The following IMMP1L variants were observed in gnomAD, a reference collection of about 807,000 sequenced individuals.
IMMP1L encodes mitochondrial inner membrane protease subunit 1.
In IMMP1L, 24 loss-of-function variants were observed where a neutral mutation model predicts 21.8. The observed-to-expected ratio is 1.10, with a 90% CI of 0.80 to 1.55. The LOEUF is 1.55. Among genes scored for constraint, IMMP1L ranks in the 40% most tolerant of loss-of-function variants. The probability of loss-of-function intolerance (pLI) is 0.00; values close to 1 mark genes in which losing one functional copy is unlikely to be tolerated. For synonymous variants in IMMP1L, 46 were observed against 62.8 expected (o/e 0.73, Z 1.26); for missense variants, 195 against 200.7 (o/e 0.97, Z 0.17).
intron 1 of IMMP1L, among the ~76,000 whole-genome samples, chr11:31,466,957 C>G (rs566285998): frequency 6.6e-6 from 1 of 152,076 alleles, no homozygotes; most frequent in Non-Finnish European, 1.5e-5. Flanking sequence ...GTGATGACTA[C>G]GCTAATTACC....
intron 1 of IMMP1L, among the ~76,000 whole-genome samples, chr11:31,475,818 T>C (rs932060251): frequency 6.6e-6 from 1 of 152,176 alleles, no homozygotes. Context: ...ATGAGTTTAT[T>C]TGAGACGTTC....
intron 1 of IMMP1L, among the ~76,000 whole-genome samples, chr11:31,501,682 G>T (rs1468692434): frequency 6.6e-6 from 1 of 152,098 alleles, no homozygotes; most frequent in Non-Finnish European, 1.5e-5. Context: ...GGCCGAGCAT[G>T]GTGGCTCATG....
intron 4 of IMMP1L, among the ~76,000 whole-genome samples, chr11:31,436,734 C>T (rs1236901681): frequency 1.3e-5 from 2 of 151,854 alleles, no homozygotes; most frequent in African/African-American, 2.4e-5. Flanking sequence ...GCCCAACCAT[C>T]GCTGGAGTAA....
Position 31,452,811 on chromosome 11 carries a change from C to T in IMMP1L, c.321+3449G>A, listed in dbSNP as rs190912983. 9.3e-3 allele frequency: 8,675 copies of T among 932,996 alleles called. 45 individuals carry two copies. Among genetic ancestry groups the T allele is most frequent in the Non-Finnish European group, 0.01 (7,772 of 752,468 alleles). The allele number at this position is 932,996 out of a possible 1,614,324, so 57.8% of individuals were successfully genotyped here. ...TGTTGCCCAGGCTGCAGTGCAGTGG[C>T]GCGATCTCGGCTCACTGCAACCTCC... is the stretch of plus-strand genomic sequence containing the variant. On this transcript the variant is annotated intron_variant, in intron 4 of 5. Coordinates refer to ENST00000532287, the MANE Select transcript of IMMP1L (RefSeq NM_001304274.2).
chr11:31,462,174 G>C (rs928172952), intron 2 of IMMP1L, among the ~76,000 whole-genome samples: 1 of 151,968 alleles, frequency 6.6e-6, no homozygotes, highest in Non-Finnish European at 1.5e-5. Flanking sequence ...AATTAGCCAG[G>C]CATGGTGATG....
chr11:31,451,503 A>G (rs1345346442), intron 4 of IMMP1L, among the ~76,000 whole-genome samples: 2 of 152,146 alleles, frequency 1.3e-5, no homozygotes, highest in Non-Finnish European at 2.9e-5. Context: ...ATGTAGGGTG[A>G]AAGAGGAGAG....
chr11:31,489,569 G>T (rs1413971654), intron 1 of IMMP1L, among the ~76,000 whole-genome samples: 1 of 151,800 alleles, frequency 6.6e-6, no homozygotes, highest in Non-Finnish European at 1.5e-5. Context: ...ACCATTAGTT[G>T]CATTACTTAT....
intron 1 of IMMP1L, among the ~76,000 whole-genome samples, chr11:31,485,397 A>G (rs1192264122): frequency 6.6e-6 from 1 of 151,922 alleles, no homozygotes; most frequent in Non-Finnish European, 1.5e-5. Context: ...GTAAATGATC[A>G]TATTTATTCC....
chr11:31,437,267 T>A, intron 4 of IMMP1L: 1 of 350,154 alleles, frequency 2.9e-6, no homozygotes, highest in Non-Finnish European at 5.7e-6. Context: ...CATTTATGTT[T>A]CATATACACC....
intron 4 of IMMP1L, among the ~76,000 whole-genome samples, chr11:31,442,736 CAA>C (rs1953379930): frequency 6.6e-6 from 1 of 151,932 alleles, no homozygotes; most frequent in African/African-American, 2.4e-5. Context: ...AGGTGAGGAA[CAA>C]AGTTTTTAGA....
intron 3 of IMMP1L, among the ~76,000 whole-genome samples, chr11:31,458,900 A>G (rs145483163): frequency 1.6e-3 from 249 of 152,314 alleles, no homozygotes; most frequent in African/African-American, 5.5e-3. Context: ...GTGTATTCAA[A>G]AACTATTCAG....
intron 1 of IMMP1L, among the ~76,000 whole-genome samples, chr11:31,483,402 G>GTA (rs1954966277): frequency 6.6e-6 from 1 of 152,034 alleles, no homozygotes; most frequent in Non-Finnish European, 1.5e-5. Context: ...GAACTGACAT[G>GTA]TATATAATCC....
At chr11:31,463,438 G>A (rs977908512) in intron 1 of IMMP1L, 133 bp from the exon 2 acceptor site, 2 of 760,428 alleles carry the variant, frequency 2.6e-6, no homozygotes, top group Admixed American at 7.8e-5. Context: ...GAAACCAAGA[G>A]TTTGTTATCA....
intron 4 of IMMP1L, 79 bp downstream of exon 4, chr11:31,456,181 C>T: frequency 1.0e-6 from 1 of 980,754 alleles, no homozygotes; most frequent in Non-Finnish European, 1.5e-6. Context: ...TATGAATAAA[C>T]ATTATTTTCT....
Position 31,456,390 on chromosome 11 carries a change from A to AG in IMMP1L, c.195-5dup. ...TTTTGCAATCACAATGTCACCTCTG[A>AG]GGGGGAAAAGTCAAAGAAATGTCTG... On this transcript the variant is annotated splice_polypyrimidine_tract_variant and splice_region_variant and intron_variant, in intron 3 of 5. Transcript: ENST00000532287. The AG allele has an allele frequency of 1.9e-6, 3 of 1,608,194 alleles. No individual in the cohort carries two copies. The highest frequency in any genetic ancestry group is 2.6e-6 in the Non-Finnish European group (3 of 1,176,106).
At chr11:31,467,739 T>C (rs190163147) in intron 1 of IMMP1L, among the ~76,000 whole-genome samples, 14 of 151,972 alleles carry the variant, frequency 9.2e-5, no homozygotes, top group African/African-American at 2.2e-4. Flanking sequence ...GGGTGAAACA[T>C]TGTTGGTCAA....
chr11:31,438,037 G>A (rs1045222811), intron 4 of IMMP1L, among the ~76,000 whole-genome samples: 1 of 152,120 alleles, frequency 6.6e-6, no homozygotes, highest in Non-Finnish European at 1.5e-5. Context: ...AAAGCACTGT[G>A]AACATTCATG....
At chr11:31,434,432 A>G (rs1953044015) in intron 4 of IMMP1L, among the ~76,000 whole-genome samples, 1 of 152,168 alleles carries the variant, frequency 6.6e-6, no homozygotes, top group South Asian at 2.1e-4. Flanking sequence ...GCTTTTTAAA[A>G]GTTTTTATTT....
chr11:31,476,836 ATAAT>A (rs531135614), intron 1 of IMMP1L, among the ~76,000 whole-genome samples: 2 of 152,210 alleles, frequency 1.3e-5, no homozygotes, highest in South Asian at 2.1e-4. Flanking sequence ...AAATATTAAA[ATAAT>A]TAACACCTCC....
Sources: gnomAD v4.1 joint callset for allele counts (sites outside exome capture counted in the v4.1 genomes callset) on GRCh38, gnomAD v4.1.1 for gene constraint, MANE v1.5 for transcripts, NCBI Gene and HGNC (gene_info 2026-07-23, HGNC 2026-07-21) for gene names.